DYNC2H1: variants seen among roughly 807,000 people sequenced by gnomAD.
DYNC2H1 encodes the protein dynein cytoplasmic 2 heavy chain 1.
DYNC2H1 carries 410 observed loss-of-function variants against 570.0 expected under a neutral mutation model. The ratio of observed to expected loss-of-function variants is 0.72; its 90% CI spans 0.66 to 0.78. DYNC2H1 has a LOEUF of 0.78. Among genes scored for constraint, DYNC2H1 ranks in the 30% least tolerant of loss-of-function variants. The probability of loss-of-function intolerance (pLI) is 0.00; values close to 1 mark genes in which losing one functional copy is unlikely to be tolerated. For synonymous variants in DYNC2H1, 1,688 were observed against 1,677.6 expected (o/e 1.01, Z -0.15); for missense variants, 4,865 against 5,046.4 (o/e 0.96, Z 1.09).
Position 103,222,079 on chromosome 11 carries a change from C to G in DYNC2H1, c.9157C>G (p.Arg3053Gly). Reference protein sequence around the residue: ...VREDIATFDARNISKEIRESV... With the variant: ...VREDIATFDAGNISKEIRESV... ...AGAAGACATAGCAACCTTTGATGCC[C>G]GAAATATTTCAAAGGAAATAAGAGA... Residue 3053 changes from arginine to glycine, a missense_variant, in exon 58 of 89, where the codon CGA becomes GGA. By Grantham distance (125) the Arg-to-Gly change is moderately radical. This residue lies in a region of DYNC2H1 where 2,401 missense variants were observed against 2,454.6 expected (regional missense o/e 0.98). Transcript: ENST00000375735. The G allele has an allele frequency of 6.2e-7, 1 of 1,608,152 alleles. No homozygotes were observed. The highest frequency in any genetic ancestry group is 8.5e-7 in the Non-Finnish European group (1 of 1,176,498).
At chr11:103,403,000 G>A (rs1469018501) in intron 84 of DYNC2H1, 3 of 152,066 alleles carry the variant, frequency 2.0e-5, no homozygotes, top group African/African-American at 7.2e-5. Flanking sequence ...TAAATGAGTA[G>A]GGTAGAAGCC....
intron 70 of DYNC2H1, among the ~76,000 whole-genome samples, chr11:103,270,303 C>A (rs2135304790): frequency 6.6e-6 from 1 of 151,972 alleles, no homozygotes; most frequent in Non-Finnish European, 1.5e-5. Flanking sequence ...ATCCAAGACA[C>A]CCCGCATGGG....
chr11:103,197,222 TTTATGTG>T, intron 47 of DYNC2H1, among the ~76,000 whole-genome samples: 1 of 152,236 alleles, frequency 6.6e-6, no homozygotes, highest in African/African-American at 2.4e-5. Context: ...ATTTGCTAAT[TTTATGTG>T]AACTATTTTT....
intron 47 of DYNC2H1, among the ~76,000 whole-genome samples, chr11:103,196,209 C>T (rs1170091724): frequency 6.6e-6 from 1 of 152,052 alleles, no homozygotes; most frequent in Admixed American, 6.5e-5. Flanking sequence ...CTTGAGGAGG[C>T]AGAAACTTAT....
intron 84 of DYNC2H1, among the ~76,000 whole-genome samples, chr11:103,431,835 C>T (rs534332604): frequency 6.6e-6 from 1 of 152,086 alleles, no homozygotes; most frequent in East Asian, 1.9e-4. Flanking sequence ...GGCAAAACTT[C>T]GTAGCCCAAT....
At chr11:103,316,702 G>T in intron 80 of DYNC2H1, 82 bp downstream of exon 80, 1 of 1,101,852 alleles carries the variant, frequency 9.1e-7, no homozygotes, top group Non-Finnish European at 1.2e-6. Flanking sequence ...CTTCAGAAGT[G>T]GCTTAACTTC....
At chr11:103,353,539 T>C (rs999495319) in intron 82 of DYNC2H1, among the ~76,000 whole-genome samples, 3 of 152,180 alleles carry the variant, frequency 2.0e-5, no homozygotes, top group Non-Finnish European at 4.4e-5. Context: ...CAAAAGTAAT[T>C]GCAGTTTTTG....
Position 103,464,197 on chromosome 11 carries a change from C to A in DYNC2H1, c.12649-4392C>A, listed in dbSNP as rs575169014. Among the ~76,000 whole-genome samples, 10 of 152,048 alleles carry A rather than the reference C, an allele frequency of 6.6e-5. No homozygotes were observed. In the South Asian group the frequency reaches 1.0e-3, roughly 16 times the overall value. ...ATACATGAAGGAATAACTTGCAGTA[C>A]AAAATAACAAGAACTTCTGGAGAGA... On this transcript the variant is annotated intron_variant, in intron 87 of 88. Coordinates refer to ENST00000375735, the MANE Select transcript of DYNC2H1 (RefSeq NM_001377.3).
chr11:103,327,112 C>A (rs1472933182), intron 82 of DYNC2H1, among the ~76,000 whole-genome samples: 5 of 152,126 alleles, frequency 3.3e-5, no homozygotes, highest in African/African-American at 9.7e-5. Flanking sequence ...TGTTAAGGCA[C>A]ACAGGGTTCC....
intron 82 of DYNC2H1, among the ~76,000 whole-genome samples, chr11:103,345,138 TC>T (rs1389775363): frequency 1.3e-5 from 2 of 152,244 alleles, no homozygotes; most frequent in Admixed American, 1.3e-4. Flanking sequence ...TTTGCTTTTT[TC>T]CTTCAGCTTT....
intron 82 of DYNC2H1, among the ~76,000 whole-genome samples, chr11:103,335,543 G>C (rs183474659): frequency 8.8e-4 from 134 of 151,960 alleles, no homozygotes; most frequent in African/African-American, 3.1e-3. Context: ...TTTTTAAATG[G>C]GAACCTGTAC....
rs1861693018 is a variant in DYNC2H1, at chr11:103,177,890, G to T, written c.6139+70G>T. On this transcript the variant is annotated intron_variant, in intron 38 of 88. Transcript: ENST00000375735. This position sits in a 1 kb window ranked among gnomAD's most constrained non-coding sequence, Gnocchi z 4.4. ...GATAATGATATAATTTGTCTATAAT[G>T]CTGTCTTTGTCAAGACTTCTACATG... The T allele has an allele frequency of 6.7e-7, 1 of 1,486,584 alleles. No homozygotes were observed. The highest frequency in any genetic ancestry group is 1.4e-5 in the South Asian group (1 of 72,106). 92.1% of individuals were successfully genotyped at this position (1,486,584 alleles called of 1,614,324 possible).
chr11:103,431,286 T>C (rs1452973416), intron 84 of DYNC2H1, among the ~76,000 whole-genome samples: 1 of 151,718 alleles, frequency 6.6e-6, no homozygotes, highest in Non-Finnish European at 1.5e-5. Context: ...TCCATGATTA[T>C]AAATTTAATT....
At chr11:103,304,273 A>C (rs1005213428) in intron 76 of DYNC2H1, among the ~76,000 whole-genome samples, 1 of 152,086 alleles carries the variant, frequency 6.6e-6, no homozygotes, top group Non-Finnish European at 1.5e-5. Context: ...CTAAGTCTAG[A>C]GAGTTCTAGT....
chr11:103,298,299 A>G (rs1866917385), intron 75 of DYNC2H1, among the ~76,000 whole-genome samples: 1 of 152,138 alleles, frequency 6.6e-6, no homozygotes. Context: ...TGTTAAAATA[A>G]AACAGGACAC....
Position 103,134,364 on chromosome 11 carries a change from G to A in DYNC2H1, c.2150G>A (p.Arg717His), listed in dbSNP as rs747945281. 8.7e-6 allele frequency: 14 copies of A among 1,612,122 alleles called. No homozygotes were observed. The highest frequency in any genetic ancestry group is 2.7e-5 in the African/African-American group (2 of 74,840). Residue 717 changes from arginine to histidine, a missense_variant, in exon 15 of 89, where the codon CGC becomes CAC. Transcript: ENST00000375735. ...ATTGATCTGCTTCGGCAGCAACAGC[G>A]CTGGAAAGATGGATTACAAGAATTG... ...MNIDLLRQQQ[R>H]WKDGLQELRT... is the part of the protein sequence containing the mutation.
intron 82 of DYNC2H1, among the ~76,000 whole-genome samples, chr11:103,347,427 ATT>A (rs141843248): frequency 6.7e-6 from 1 of 150,074 alleles, no homozygotes; most frequent in Non-Finnish European, 1.5e-5. Context: ...TAGTTATATC[ATT>A]TTTTTTTTCT....
At chr11:103,212,935 T>G (rs974447595) in intron 54 of DYNC2H1, among the ~76,000 whole-genome samples, 1 of 152,162 alleles carries the variant, frequency 6.6e-6, no homozygotes, top group Non-Finnish European at 1.5e-5. Context: ...AAAATTCATA[T>G]GGAAAAAACT....
intron 48 of DYNC2H1, among the ~76,000 whole-genome samples, chr11:103,198,451 G>A (rs1862587983): frequency 6.6e-6 from 1 of 152,132 alleles, no homozygotes; most frequent in Non-Finnish European, 1.5e-5. Context: ...TAGTCCAGAT[G>A]TCTAAGAGGC....
Sources: gnomAD v4.1 joint callset for allele counts (sites outside exome capture counted in the v4.1 genomes callset) on GRCh38, gnomAD v4.1.1 for gene constraint, gnomAD v4.1.1 regional missense constraint, Gnocchi (gnomAD v3.1) non-coding constraint, MANE v1.5 for transcripts, NCBI Gene and HGNC (gene_info 2026-07-23, HGNC 2026-07-21) for gene names.